Variants in IARS1 observed in about 807,000 individuals in gnomAD.
The protein encoded by IARS1 is isoleucyl-tRNA synthetase 1.
A neutral mutation model predicts 168.2 loss-of-function variants in IARS1; 124 were observed. That is an observed-to-expected ratio of 0.74 (90% CI 0.64 to 0.86). The LOEUF (loss-of-function observed/expected upper bound fraction) is 0.86. IARS1 is among the 40% of genes least tolerant of loss of function. The probability of loss-of-function intolerance (pLI) is 0.00; values close to 1 mark genes in which losing one functional copy is unlikely to be tolerated. For synonymous variants in IARS1, 532 were observed against 529.4 expected, an observed-to-expected ratio of 1.00 and a Z score of -0.07; for missense variants, 1,452 against 1,515.8, an observed-to-expected ratio of 0.96 and a Z score of 0.70.
chr9:92,273,967 G>A (rs1833451364), intron 10 of IARS1, among the ~76,000 whole-genome samples: 1 of 152,242 alleles, frequency 6.6e-6, no homozygotes, highest in South Asian at 2.1e-4. Flanking sequence ...TGTAAAGCAT[G>A]TGCCTTTATG....
At chr9:92,244,270 C>A (rs952729925) in intron 27 of IARS1, among the ~76,000 whole-genome samples, 1 of 152,214 alleles carries the variant, frequency 6.6e-6, no homozygotes, top group African/African-American at 2.4e-5. Flanking sequence ...CTCCTTGCCA[C>A]TGTCTTCCCA....
intron 6 of IARS1, among the ~76,000 whole-genome samples, chr9:92,285,194 ATC>A (rs1835247199): frequency 6.6e-6 from 1 of 152,206 alleles, no homozygotes. Flanking sequence ...AGTATATAAT[ATC>A]TGTCTAGATA....
rs1304820370 is a variant in IARS1, at chr9:92,216,534, T to C, written c.3707-5645A>G. On this transcript the variant is annotated intron_variant, in intron 33 of 33. Transcript: ENST00000443024. The stretch of plus-strand genomic sequence containing the variant: ...TGCTGTATTCAGGAAACCCATCTCA[T>C]GTGCAGAGACACACATAGGCTCAAA... 4.4e-4 allele frequency among the ~76,000 whole-genome samples: 52 copies of C among 118,732 alleles called. No homozygotes were observed. In the East Asian group the frequency reaches 5.9e-3, roughly 13 times the overall value. The allele number at this position is 118,732 out of a possible 152,430, so 77.9% of individuals were successfully genotyped here.
At chr9:92,260,594 G>A (rs1225395822) in intron 17 of IARS1, among the ~76,000 whole-genome samples, 2 of 152,174 alleles carry the variant, frequency 1.3e-5, no homozygotes, top group African/African-American at 4.8e-5. Flanking sequence ...GGCAGAGATT[G>A]AAGTGAGCCA....
chr9:92,261,919 T>C (rs1831584616), intron 17 of IARS1, among the ~76,000 whole-genome samples: 1 of 152,010 alleles, frequency 6.6e-6, no homozygotes, highest in African/African-American at 2.4e-5. Flanking sequence ...CCCACTAATT[T>C]TGTATTTTTA....
intron 31 of IARS1, among the ~76,000 whole-genome samples, chr9:92,225,068 A>G (rs542245835): frequency 2.6e-5 from 4 of 152,290 alleles, no homozygotes; most frequent in Non-Finnish European, 5.9e-5. Context: ...CTTTCGATAC[A>G]GTGTTATTGC....
chr9:92,251,927 A>G (rs751470266), intron 21 of IARS1, 42 bp from the exon 22 acceptor site: 2 of 1,344,542 alleles, frequency 1.5e-6, no homozygotes, highest in Non-Finnish European at 2.1e-6. Flanking sequence ...ACTGTTAAAT[A>G]AGTGTTTATC....
intron 23 of IARS1, 65 bp downstream of exon 23, chr9:92,250,648 C>T: frequency 6.8e-7 from 1 of 1,470,028 alleles, no homozygotes; most frequent in Non-Finnish European, 9.2e-7. Context: ...CCTCCTCTTC[C>T]CCACATGCTT....
At chr9:92,250,625 G>A (rs1829879077) in intron 23 of IARS1, 88 bp downstream of exon 23, 1 of 1,386,848 alleles carries the variant, frequency 7.2e-7, no homozygotes, top group Non-Finnish European at 9.7e-7. Flanking sequence ...GATGGAGCTG[G>A]AGCAGGGAAA....
intron 1 of IARS1, among the ~76,000 whole-genome samples, chr9:92,292,221 T>C (rs1394682178): frequency 6.8e-6 from 1 of 146,222 alleles, no homozygotes; most frequent in African/African-American, 2.7e-5. Context: ...GGGTGGTTTG[T>C]AGAGACAGGG....
At chr9:92,285,697 A>C (rs1270452875) in intron 6 of IARS1, 25 bp downstream of exon 6, 1 of 1,410,982 alleles carries the variant, frequency 7.1e-7, no homozygotes, top group African/African-American at 1.4e-5. Flanking sequence ...CTCAATGCTG[A>C]ATAATGTCTC....
chr9:92,240,475 G>A, intron 30 of IARS1: 1 of 567,470 alleles, frequency 1.8e-6, no homozygotes, highest in Non-Finnish European at 3.2e-6. Context: ...TGTTTATCAG[G>A]TCTTGAACTC....
At chr9:92,228,063 C>T (rs1041597419) in intron 31 of IARS1, among the ~76,000 whole-genome samples, 1 of 152,088 alleles carries the variant, frequency 6.6e-6, no homozygotes, top group African/African-American at 2.4e-5. Context: ...ACTGAGTGAA[C>T]GAGACTCCGT....
chr9:92,245,794 T>G (rs1829101836), intron 26 of IARS1, among the ~76,000 whole-genome samples: 2 of 149,464 alleles, frequency 1.3e-5, no homozygotes, highest in Admixed American at 6.8e-5. Context: ...TGAGACAGAG[T>G]CTTGCTTTGT....
chr9:92,268,324 C>T, intron 13 of IARS1, 24 bp from the exon 14 acceptor site: 3 of 1,600,336 alleles, frequency 1.9e-6, no homozygotes, highest in Non-Finnish European at 1.7e-6. Flanking sequence ...ATCACATAAC[C>T]AATCACATAA....
intron 17 of IARS1, among the ~76,000 whole-genome samples, chr9:92,262,371 C>T (rs932738984): frequency 1.3e-5 from 2 of 152,176 alleles, no homozygotes; most frequent in East Asian, 3.8e-4. Context: ...GTACTCAGCA[C>T]AAATTCTATT....
chr9:92,276,249 C>A (rs1389069106), intron 9 of IARS1, among the ~76,000 whole-genome samples: 1 of 151,772 alleles, frequency 6.6e-6, no homozygotes, highest in Admixed American at 6.6e-5. Context: ...CAGATATCAA[C>A]ATAAGAAAAA....
intron 31 of IARS1, among the ~76,000 whole-genome samples, chr9:92,227,507 A>G (rs377643240): frequency 2.3e-3 from 276 of 120,706 alleles, no homozygotes; most frequent in Middle Eastern, 6.1e-3. Flanking sequence ...CAGTAGGGGC[A>G]GCCGGGCAGA....
At chr9:92,281,263 A>G (rs985406382) in intron 6 of IARS1, among the ~76,000 whole-genome samples, 2 of 151,442 alleles carry the variant, frequency 1.3e-5, no homozygotes, top group Non-Finnish European at 2.9e-5. Flanking sequence ...CCTCCCGAGT[A>G]GCTGGGATTA....
Sources: gnomAD v4.1 joint callset for allele counts (sites outside exome capture counted in the v4.1 genomes callset) on GRCh38, gnomAD v4.1.1 for gene constraint, MANE v1.5 for transcripts, NCBI Gene and HGNC (gene_info 2026-07-23, HGNC 2026-07-21) for gene names.